Variants in PIP4K2A observed in about 807,000 individuals in gnomAD.
PIP4K2A encodes phosphatidylinositol-5-phosphate 4-kinase type 2 alpha.
PIP4K2A carries 14 observed loss-of-function variants against 42.9 expected under a neutral mutation model. That is an observed-to-expected ratio of 0.33 (90% confidence interval 0.22 to 0.51). The LOEUF is 0.51. PIP4K2A is among the 20% of genes least tolerant of loss of function. The pLI is 0.97. For missense variants in PIP4K2A, 434 were observed against 519.8 expected, an observed-to-expected ratio of 0.83 and a Z score of 1.61; for synonymous variants, 192 against 192.2, an observed-to-expected ratio of 1.00 and a Z score of 0.01.
chr10:22,626,988 T>A (rs1838452694), intron 1 of PIP4K2A, among the ~76,000 whole-genome samples: 1 of 152,218 alleles, frequency 6.6e-6, no homozygotes. Context: ...TTGTTTTCAT[T>A]ACTTTAGGAA....
rs1564459855 is a variant in PIP4K2A at position 22,664,081 on chromosome 10, A to ATATACATATATATATATACGTATG, written c.144+50101_144+50102insCATACGTATATATATATATGTATA. Among the ~76,000 whole-genome samples, 321 of 81,996 alleles carry ATATACATATATATATATACGTATG rather than the reference A, an allele frequency of 3.9e-3. 9 individuals are homozygous for ATATACATATATATATATACGTATG. The highest frequency in any genetic ancestry group is 5.4e-3 in the Non-Finnish European group (263 of 48,482). 53.8% of individuals were successfully genotyped at this position (81,996 alleles called of 152,430 possible). A position where few individuals can be genotyped will look rare whatever the true frequency, so the allele number is the denominator to read the frequency against. On this transcript the variant is annotated intron_variant, in intron 1 of 9. Transcript: ENST00000376573. ...TATATACATATATATATATACGTATATATATATACATATATATATATACAT... is the reference window on the plus strand; with the variant it reads ...TATATACATATATATATATACGTATATATACATATATATATATACGTATGTATATATACATATATATATATACAT...
chr10:22,539,575 C>A (rs1185829354), intron 9 of PIP4K2A: 1 of 173,932 alleles, frequency 5.7e-6, no homozygotes, highest in Non-Finnish European at 1.2e-5. Flanking sequence ...TTCTTTTGCA[C>A]TTTTATCTCT....
chr10:22,550,887 TCAC>T (rs1836395191), intron 6 of PIP4K2A, 115 bp from the exon 7 acceptor site: 1 of 693,602 alleles, frequency 1.4e-6, no homozygotes, highest in Non-Finnish European at 2.6e-6. Flanking sequence ...CCCACCCCGT[TCAC>T]CACCACAGGG....
At chr10:22,538,822 T>TG (rs1393468362) in intron 9 of PIP4K2A, among the ~76,000 whole-genome samples, 2 of 152,234 alleles carry the variant, frequency 1.3e-5, no homozygotes, top group Admixed American at 1.3e-4. Flanking sequence ...TCCCAGTCTG[T>TG]GCTCTGCACA....
intron 3 of PIP4K2A, among the ~76,000 whole-genome samples, chr10:22,604,000 C>T (rs7076685): frequency 0.018 from 1,899 of 103,764 alleles, 55 homozygotes; most frequent in African/African-American, 0.079. Context: ...CGAGCACACA[C>T]GCGCGCACGC....
chr10:22,538,833 C>T (rs1048024215), intron 9 of PIP4K2A, among the ~76,000 whole-genome samples: 11 of 152,322 alleles, frequency 7.2e-5, no homozygotes, highest in Non-Finnish European at 1.5e-4. Flanking sequence ...GCTCTGCACA[C>T]AGCAGGAATA....
chr10:22,539,886 G>GGAGAGGGAGAGAGA, intron 9 of PIP4K2A, 85 bp downstream of exon 9: 1 of 699,222 alleles, frequency 1.4e-6, no homozygotes, highest in Non-Finnish European at 2.5e-6. Context: ...AGAGGAGCCA[G>GGAGAGGGAGAGAGA]GAGAGAGAGA....
intron 4 of PIP4K2A, among the ~76,000 whole-genome samples, chr10:22,583,618 G>A (rs1837326715): frequency 1.3e-5 from 2 of 152,198 alleles, no homozygotes. Context: ...ACAGGGTCCA[G>A]GGCTGGGAAT....
At chr10:22,684,336 C>T (rs2130886054) in intron 1 of PIP4K2A, among the ~76,000 whole-genome samples, 1 of 152,212 alleles carries the variant, frequency 6.6e-6, no homozygotes, top group Non-Finnish European at 1.5e-5. Context: ...TTGTCTGAAT[C>T]CCTTATTTTT....
At chr10:22,572,670 A>C (rs994289568) in intron 5 of PIP4K2A, among the ~76,000 whole-genome samples, 1 of 152,210 alleles carries the variant, frequency 6.6e-6, no homozygotes, top group Non-Finnish European at 1.5e-5. Flanking sequence ...GGAAAGTCAT[A>C]GTTTTCCAAC....
intron 1 of PIP4K2A, among the ~76,000 whole-genome samples, chr10:22,616,315 T>C (rs1357629908): frequency 6.6e-6 from 1 of 152,136 alleles, no homozygotes; most frequent in African/African-American, 2.4e-5. Context: ...CGGCTCATGC[T>C]AGGTGCACAT....
chr10:22,663,310 CA>C, intron 1 of PIP4K2A, among the ~76,000 whole-genome samples: 1 of 152,112 alleles, frequency 6.6e-6, no homozygotes, highest in East Asian at 1.9e-4. Flanking sequence ...TAATGTATGC[CA>C]AGAACTGGCA....
chr10:22,708,164 C>G (rs1455724262), intron 1 of PIP4K2A, among the ~76,000 whole-genome samples: 1 of 152,094 alleles, frequency 6.6e-6, no homozygotes. Flanking sequence ...TACTTACCTT[C>G]CAAAAAAGAG....
intron 1 of PIP4K2A, among the ~76,000 whole-genome samples, chr10:22,707,730 C>T (rs755782210): frequency 1.8e-4 from 27 of 152,324 alleles, no homozygotes; most frequent in Non-Finnish European, 2.2e-4. Flanking sequence ...GTGTTCCCCC[C>T]CAAGAATTCT....
In PIP4K2A at chr10:22,607,866, C is replaced by T. The variant is rs763951626; in HGVS notation, c.339+61G>A. 19 of 1,013,120 alleles carry T rather than the reference C, an allele frequency of 1.9e-5. 1 individual carries two copies. In the South Asian group the frequency reaches 2.5e-4, roughly 13 times the overall value. The allele number at this position is 1,013,120 out of a possible 1,614,324, so 62.8% of individuals were successfully genotyped here. ...ACAAAAATACAGATCCCAATTGACA[C>T]AGCAAAAGTCATGGCAAAACCCATT... is the stretch of plus-strand genomic sequence containing the variant. On this transcript the variant is annotated intron_variant, in intron 3 of 9. Transcript: ENST00000376573.
chr10:22,578,452 G>A (rs957066998), intron 4 of PIP4K2A, among the ~76,000 whole-genome samples: 1 of 152,142 alleles, frequency 6.6e-6, no homozygotes, highest in Non-Finnish European at 1.5e-5. Context: ...AGCAAACAGC[G>A]CTCTTGTCTG....
intron 7 of PIP4K2A, among the ~76,000 whole-genome samples, chr10:22,546,375 T>C (rs76243882): frequency 5.3e-5 from 8 of 152,254 alleles, no homozygotes; most frequent in South Asian, 2.1e-4. Flanking sequence ...AAGAACCATA[T>C]GGAAAAGCCT....
intron 4 of PIP4K2A, among the ~76,000 whole-genome samples, chr10:22,576,490 A>C (rs1837125033): frequency 6.6e-6 from 1 of 152,138 alleles, no homozygotes; most frequent in Non-Finnish European, 1.5e-5. Flanking sequence ...CTGTAGATTT[A>C]CAGCTACAGC....
chr10:22,557,481 C>T (rs1454279088), intron 6 of PIP4K2A, among the ~76,000 whole-genome samples: 1 of 152,138 alleles, frequency 6.6e-6, no homozygotes, highest in Non-Finnish European at 1.5e-5. Flanking sequence ...GGAATTAACT[C>T]ACGTGTATGT....
Sources: allele counts gnomAD v4.1 joint callset (sites outside exome capture counted in the v4.1 genomes callset), GRCh38; gene constraint gnomAD v4.1.1; transcripts MANE v1.5; gene names NCBI Gene and HGNC (gene_info 2026-07-23, HGNC 2026-07-21).